RUBCN: variants seen among roughly 807,000 people sequenced by gnomAD.
The protein encoded by RUBCN is run domain Beclin-1-interacting and cysteine-rich domain-containing protein.
Under a neutral mutation model 113.2 loss-of-function variants are expected in RUBCN, and 74 were observed. The ratio of observed to expected loss-of-function variants is 0.65; its 90% CI spans 0.54 to 0.79. The LOEUF is 0.79. RUBCN is among the 30% of genes least tolerant of loss of function. The pLI, the probability that RUBCN is intolerant of heterozygous loss-of-function variation, is 0.00. For synonymous variants in RUBCN, 480 were observed against 490.0 expected (o/e 0.98, Z 0.27); for missense variants, 1,109 against 1,251.7 (o/e 0.89, Z 1.72).
intron 11 of RUBCN, among the ~76,000 whole-genome samples, chr3:197,689,441 G>A (rs1260308856): frequency 1.3e-5 from 2 of 152,182 alleles, no homozygotes; most frequent in Non-Finnish European, 2.9e-5. Context: ...ATGCTAGAAA[G>A]ACCAAATCAA....
intron 6 of RUBCN, 52 bp downstream of exon 6, chr3:197,701,656 A>G (rs751428866): frequency 5.7e-6 from 9 of 1,572,884 alleles, no homozygotes; most frequent in Non-Finnish European, 7.9e-6. Flanking sequence ...AAGTCTTCTT[A>G]CTTTCCAGGG....
chr3:197,669,639 CCT>C lies in RUBCN; in HGVS notation c.*5377_*5378del, dbSNP rs112152747. 4.6e-5 allele frequency among the ~76,000 whole-genome samples: 7 copies of C among 152,260 alleles called. No individual in the cohort carries two copies. The highest frequency in any genetic ancestry group is 1.7e-4 in the African/African-American group (7 of 41,528). Reference sequence around the variant, plus strand: ...CTCTCTACTCTAAAGTTGCTATTTTCCTCTTTCTATATCCTTTTATTTAAAAA... The same window carrying C: ...CTCTCTACTCTAAAGTTGCTATTTTCCTTTCTATATCCTTTTATTTAAAAA... On this transcript the variant is annotated 3_prime_UTR_variant, in exon 20 of 20. Transcript: ENST00000296343.
intron 13 of RUBCN, 143 bp from the exon 14 acceptor site, chr3:197,682,758 C>CG (rs1311426096): frequency 9.3e-7 from 1 of 1,079,008 alleles, no homozygotes; most frequent in South Asian, 1.4e-5. Flanking sequence ...AACAGAAATG[C>CG]GGGACCCTTT....
At position 197,704,716 on chromosome 3, in the gene RUBCN, G is replaced by C. The variant is rs1028166595; in HGVS notation, c.304-15C>G. ...ACGCTGATGAACTGGGAAGCAAAGG[G>C]GCATGAGTCAAAACACACATCCTGG... On this transcript the variant is annotated splice_polypyrimidine_tract_variant and intron_variant, in intron 3 of 19. Transcript: ENST00000296343. 1 of 1,613,020 alleles carries C rather than the reference G, an allele frequency of 6.2e-7. No individual in the cohort carries two copies.
intron 1 of RUBCN, among the ~76,000 whole-genome samples, chr3:197,731,974 A>T (rs1012764481): frequency 5.3e-5 from 8 of 152,268 alleles, no homozygotes; most frequent in African/African-American, 1.9e-4. Flanking sequence ...GACTGCTTAC[A>T]TATGGGAAAT....
chr3:197,749,603 A>T, exon 1 of RUBCN: 1 of 1,138,238 alleles, frequency 8.8e-7, no homozygotes, highest in Non-Finnish European at 1.2e-6. Context: ...AGCAGGAGGG[A>T]CTCGAAGGAC....
chr3:197,731,605 C>T (rs1385873974), intron 1 of RUBCN, among the ~76,000 whole-genome samples: 1 of 149,778 alleles, frequency 6.7e-6, no homozygotes, highest in Non-Finnish European at 1.5e-5. Flanking sequence ...CCGGATGGGG[C>T]GGCTGGCCGG....
upstream of RUBCN, among the ~76,000 whole-genome samples, chr3:197,741,787 C>T (rs1250205224): frequency 2.0e-5 from 3 of 151,580 alleles, no homozygotes; most frequent in Admixed American, 2.0e-4. Flanking sequence ...CGCACCACTG[C>T]ACTCCAGAGA....
At chr3:197,737,009 C>G, upstream of RUBCN, 1 of 1,103,926 alleles carries the variant, frequency 9.1e-7, no homozygotes, top group Non-Finnish European at 1.1e-6. Flanking sequence ...GCAGACCGCG[C>G]CCCTCCAACG....
chr3:197,744,831 A>T (rs1728669275), intron 1 of RUBCN, among the ~76,000 whole-genome samples: 1 of 152,216 alleles, frequency 6.6e-6, no homozygotes, highest in South Asian at 2.1e-4. Context: ...GGGGGTAAGG[A>T]TTACAAAGGT....
intron 2 of RUBCN, among the ~76,000 whole-genome samples, chr3:197,706,912 C>T (rs1182009800): frequency 6.6e-6 from 1 of 152,052 alleles, no homozygotes; most frequent in East Asian, 1.9e-4. Context: ...ATCATGAAGA[C>T]CTTCAGTATT....
intron 9 of RUBCN, among the ~76,000 whole-genome samples, chr3:197,694,812 T>G (rs1208601669): frequency 6.6e-6 from 1 of 152,124 alleles, no homozygotes; most frequent in Non-Finnish European, 1.5e-5. Flanking sequence ...CATTTCTACA[T>G]AAAAATATGA....
At chr3:197,687,174 T>C (rs1721944036) in intron 11 of RUBCN, among the ~76,000 whole-genome samples, 2 of 152,176 alleles carry the variant, frequency 1.3e-5, no homozygotes, top group South Asian at 2.1e-4. Context: ...ATACCCAACG[T>C]ATCTGGGAAT....
intron 2 of RUBCN, among the ~76,000 whole-genome samples, chr3:197,708,384 C>T (rs1242192679): frequency 1.3e-5 from 2 of 152,122 alleles, no homozygotes; most frequent in Non-Finnish European, 2.9e-5. Context: ...GATCCACCCA[C>T]CTCAGCCTCC....
At chr3:197,699,480 T>C (rs979862041) in intron 7 of RUBCN, among the ~76,000 whole-genome samples, 1 of 152,144 alleles carries the variant, frequency 6.6e-6, no homozygotes, top group African/African-American at 2.4e-5. Context: ...TCCATATGGA[T>C]TCAAGAATGG....
rs983329355 is a variant in RUBCN at position 197,670,038 on chromosome 3, G to A, written c.*4980C>T. Among the ~76,000 whole-genome samples, 2 of 152,108 alleles carry A rather than the reference G, an allele frequency of 1.3e-5. No individual in the cohort carries two copies. The highest frequency in any genetic ancestry group is 6.6e-5 in the Admixed American group (1 of 15,260). On this transcript the variant is annotated 3_prime_UTR_variant, in exon 20 of 20. Transcript: ENST00000296343. ...CGAGTAGCTGGGATTACAGGCGCCC[G>A]CCATCATGCCCAACTAGCTTTTGTA...
intron 1 of RUBCN, among the ~76,000 whole-genome samples, chr3:197,735,782 G>T (rs1560478156): frequency 6.6e-6 from 1 of 151,930 alleles, no homozygotes; most frequent in Non-Finnish European, 1.5e-5. Flanking sequence ...GTAGAGACGG[G>T]GATCTCCCTA....
At chr3:197,731,788 C>T (rs979369021) in intron 1 of RUBCN, among the ~76,000 whole-genome samples, 4 of 151,228 alleles carry the variant, frequency 2.6e-5, no homozygotes, top group Admixed American at 6.6e-5. Flanking sequence ...GGCGGCTGGC[C>T]GGGCGGGGGG....
chr3:197,678,480 A>G (rs1441983302), intron 16 of RUBCN, among the ~76,000 whole-genome samples: 1 of 147,236 alleles, frequency 6.8e-6, no homozygotes, highest in Non-Finnish European at 1.5e-5. Context: ...AGACTGTCCT[A>G]CGCTCTAACT....
Sources: allele counts gnomAD v4.1 joint callset (sites outside exome capture counted in the v4.1 genomes callset), GRCh38; gene constraint gnomAD v4.1.1; transcripts MANE v1.5; gene names NCBI Gene and HGNC (gene_info 2026-07-23, HGNC 2026-07-21).